Variants in SMURF2 observed in about 807,000 individuals in gnomAD.
The protein encoded by SMURF2 is SMAD specific E3 ubiquitin protein ligase 2.
Under a neutral mutation model 109.6 loss-of-function variants are expected in SMURF2, and 48 were observed. That is an observed-to-expected ratio of 0.44 (90% confidence interval 0.35 to 0.56). The LOEUF (loss-of-function observed/expected upper bound fraction) is 0.56. Ranked by LOEUF, SMURF2 falls within the 20% of genes least tolerant of loss-of-function variation. The pLI, the probability that SMURF2 is intolerant of heterozygous loss-of-function variation, is 0.01. For missense variants in SMURF2, 575 were observed against 909.0 expected, an observed-to-expected ratio of 0.63 and a Z score of 4.72; for synonymous variants, 288 against 317.1, an observed-to-expected ratio of 0.91 and a Z score of 0.97.
At chr17:64,636,786 G>GA (rs375959882) in intron 1 of SMURF2, among the ~76,000 whole-genome samples, 2,652 of 118,490 alleles carry the variant, frequency 0.022, 31 homozygotes, top group South Asian at 0.06. Flanking sequence ...CTCAAAAAAA[G>GA]AAAAAAAAAA....
At chr17:64,576,595 C>T (rs954910937) in intron 9 of SMURF2, among the ~76,000 whole-genome samples, 8 of 150,922 alleles carry the variant, frequency 5.3e-5, no homozygotes, top group East Asian at 1.9e-4. Context: ...ACCCGGGAGG[C>T]GGAGGTTGCA....
chr17:64,575,339 G>C (rs968467179), intron 9 of SMURF2, among the ~76,000 whole-genome samples: 3 of 151,952 alleles, frequency 2.0e-5, no homozygotes, highest in South Asian at 2.1e-4. Context: ...TTTTAGTAGA[G>C]ACGGGTTTTC....
intron 1 of SMURF2, among the ~76,000 whole-genome samples, chr17:64,645,554 A>C (rs8068750): frequency 0.18 from 27,694 of 152,160 alleles, 4,601 homozygotes; most frequent in African/African-American, 0.44. Flanking sequence ...CACAGTGAGA[A>C]CTTGTCCCTA....
intron 1 of SMURF2, among the ~76,000 whole-genome samples, chr17:64,647,286 A>G (rs1384035361): frequency 1.3e-5 from 2 of 151,408 alleles, no homozygotes; most frequent in African/African-American, 4.9e-5. Context: ...AAAAAAAAAG[A>G]AAAAAAAATC....
At chr17:64,603,650 G>C (rs1388560678) in intron 2 of SMURF2, among the ~76,000 whole-genome samples, 1 of 151,120 alleles carries the variant, frequency 6.6e-6, no homozygotes, top group Non-Finnish European at 1.5e-5. Context: ...GTAGAATCTA[G>C]ATGGTGGGTC....
chr17:64,564,496 C>T lies in SMURF2; in HGVS notation c.1017-1530G>A, dbSNP rs140453591. ...ACATCTGGTCAACCTGTGGATTTGA[C>T]CTTATTTGGAAATAAGGTCTTTGCA... On this transcript the variant is annotated intron_variant, in intron 10 of 18. Coordinates refer to ENST00000262435, the MANE Select transcript of SMURF2 (RefSeq NM_022739.4). Among the ~76,000 whole-genome samples, 13 of 152,110 alleles carry T rather than the reference C, an allele frequency of 8.5e-5. 1 individual carries two copies. In the East Asian group the frequency reaches 2.5e-3, roughly 29 times the overall value.
intron 1 of SMURF2, 47 bp downstream of exon 1, chr17:64,661,782 C>T: frequency 8.3e-7 from 1 of 1,208,114 alleles, no homozygotes; most frequent in African/African-American, 1.6e-5. Context: ...CCCCCGCCAG[C>T]TCGCCCACCC....
chr17:64,557,898 T>C (rs914311590), intron 12 of SMURF2, among the ~76,000 whole-genome samples, 176 bp from the exon 13 acceptor site: 5 of 152,142 alleles, frequency 3.3e-5, no homozygotes, highest in African/African-American at 4.8e-5. Flanking sequence ...AAATAGCATA[T>C]AAAAACTCTA....
intron 10 of SMURF2, chr17:64,563,172 T>C (rs1182287425): frequency 2.2e-6 from 1 of 454,312 alleles, no homozygotes; most frequent in Non-Finnish European, 3.9e-6. Context: ...ACTGACAGAA[T>C]TGGATAATGG....
chr17:64,594,323 A>G (rs1271937278), intron 3 of SMURF2, among the ~76,000 whole-genome samples: 1 of 152,232 alleles, frequency 6.6e-6, no homozygotes, highest in African/African-American at 2.4e-5. Flanking sequence ...CATTCAATAA[A>G]TTACAATATC....
chr17:64,603,656 G>T (rs1451132979), intron 2 of SMURF2, among the ~76,000 whole-genome samples: 1 of 151,758 alleles, frequency 6.6e-6, no homozygotes, highest in African/African-American at 2.4e-5. Context: ...TCTAGATGGT[G>T]GGTCTTTACT....
At chr17:64,608,422 T>C (rs1285920606) in intron 1 of SMURF2, among the ~76,000 whole-genome samples, 1 of 152,068 alleles carries the variant, frequency 6.6e-6, no homozygotes, top group Non-Finnish European at 1.5e-5. Flanking sequence ...TTTAAAAACA[T>C]AAAAACTCAA....
At chr17:64,647,931 C>T (rs1440451649) in intron 1 of SMURF2, among the ~76,000 whole-genome samples, 1 of 151,400 alleles carries the variant, frequency 6.6e-6, no homozygotes, top group East Asian at 1.9e-4. Flanking sequence ...TGGTGAGCAA[C>T]TATTGTCCTA....
Position 64,614,332 on chromosome 17 carries a change from T to C in SMURF2, c.53-7692A>G, listed in dbSNP as rs528835005. ...TTTGTGTTAAAGCAAAACATTATAC[T>C]GGACTACAGATATTTAGTAGGCACA... On this transcript the variant is annotated intron_variant, in intron 1 of 18. Transcript: ENST00000262435. Among the ~76,000 whole-genome samples, 4 of 152,368 alleles carry C rather than the reference T, an allele frequency of 2.6e-5. No homozygotes were observed. The South Asian group carries it at 8.3e-4, about 32-fold the overall frequency.
chr17:64,603,877 AT>A (rs1278274359), intron 2 of SMURF2, among the ~76,000 whole-genome samples: 1 of 152,142 alleles, frequency 6.6e-6, no homozygotes, highest in Non-Finnish European at 1.5e-5. Context: ...ATGGCAGTGT[AT>A]TTTTTCCTGC....
chr17:64,609,385 C>T (rs1970012445), intron 1 of SMURF2, among the ~76,000 whole-genome samples: 1 of 152,156 alleles, frequency 6.6e-6, no homozygotes, highest in Non-Finnish European at 1.5e-5. Flanking sequence ...TACAAGGTTA[C>T]AGTAACAAAA....
At chr17:64,550,551 G>A (rs1969028584) in intron 16 of SMURF2, among the ~76,000 whole-genome samples, 1 of 152,142 alleles carries the variant, frequency 6.6e-6, no homozygotes. Context: ...AGGCCGAGGT[G>A]GGTGGATTAT....
intron 1 of SMURF2, among the ~76,000 whole-genome samples, chr17:64,607,428 C>G (rs1189280994): frequency 9.9e-5 from 15 of 151,558 alleles, no homozygotes; most frequent in Non-Finnish European, 2.2e-4. Context: ...GAGTTCGAGA[C>G]CAGCCTGGCC....
At chr17:64,552,748 G>C (rs1172505984) in intron 15 of SMURF2, among the ~76,000 whole-genome samples, 1 of 152,102 alleles carries the variant, frequency 6.6e-6, no homozygotes, top group African/African-American at 2.4e-5. Flanking sequence ...CTGTCACCCA[G>C]GCTGGAATAC....
Sources: allele counts gnomAD v4.1 joint callset (sites outside exome capture counted in the v4.1 genomes callset), GRCh38; gene constraint gnomAD v4.1.1; transcripts MANE v1.5; gene names NCBI Gene and HGNC (gene_info 2026-07-23, HGNC 2026-07-21).